The following WDR44 variants were observed in gnomAD, a reference collection of about 807,000 sequenced individuals.
WDR44 encodes WD repeat-containing protein 44.
WDR44 carries 9 observed loss-of-function variants against 65.7 expected under a neutral mutation model. The observed-to-expected ratio is 0.14, with a 90% CI of 0.08 to 0.24. WDR44 has a LOEUF of 0.24. WDR44 is among the 10% of genes least tolerant of loss of function. The pLI is 1.00. For missense variants in WDR44, 425 were observed against 670.9 expected, an observed-to-expected ratio of 0.63 and a Z score of 4.05; for synonymous variants, 220 against 235.2, an observed-to-expected ratio of 0.94 and a Z score of 0.59.
At chrX:118,370,206 CA>C (rs1342020128) in intron 1 of WDR44, among the ~76,000 whole-genome samples, 1 of 112,151 alleles carries the variant, frequency 8.9e-6, no homozygotes, top group Non-Finnish European at 1.9e-5. Flanking sequence ...AAGGAAACAA[CA>C]GTGAAAAGAC....
chrX:118,365,625 A>G (rs914968028), intron 1 of WDR44, among the ~76,000 whole-genome samples: 2 of 112,460 alleles, frequency 1.8e-5, no homozygotes, highest in African/African-American at 6.5e-5. Context: ...CAGTATCCTT[A>G]TCCAAGATAT....
At chrX:118,448,476 G>A (rs1050823985) in intron 19 of WDR44, among the ~76,000 whole-genome samples, 17 of 111,742 alleles carry the variant, frequency 1.5e-4, no homozygotes, top group African/African-American at 3.9e-4. Flanking sequence ...AACCTTACTG[G>A]CAACCTCGCT....
intron 8 of WDR44, 21 bp downstream of exon 8, chrX:118,398,491 T>G (rs1434527767): frequency 7.2e-6 from 8 of 1,118,825 alleles, no homozygotes; most frequent in Non-Finnish European, 8.5e-6. Context: ...GTACATCCCT[T>G]TTCTTCATTT....
rs149299108 is a variant in WDR44 at position 118,375,603 on chromosome X, T to C, written c.78-2816T>C. ...GATTGCACTTGTATTATTTAAGATA[T>C]CAATTTGTGTGGAATCTTCTTTCTT... On this transcript the variant is annotated intron_variant, in intron 1 of 19. Coordinates refer to ENST00000254029, the MANE Select transcript of WDR44 (RefSeq NM_019045.5). Among the ~76,000 whole-genome samples the C allele has an allele frequency of 6.1e-3, 678 of 111,408 alleles. 11 individuals are homozygous for C. Among genetic ancestry groups the C allele is most frequent in the African/African-American group, 0.02 (627 of 30,749 alleles).
At chrX:118,379,508 C>T (rs952208630) in intron 2 of WDR44, among the ~76,000 whole-genome samples, 1 of 110,975 alleles carries the variant, frequency 9.0e-6, no homozygotes, top group Non-Finnish European at 1.9e-5. Flanking sequence ...TATACAGTAA[C>T]GTTTCATTTA....
rs775346195 is a variant in WDR44 at position 118,369,555 on chromosome X, C to T, written c.78-8864C>T. The stretch of plus-strand genomic sequence containing the variant: ...CGGGATCTCGGCTCACTGCAAGCTC[C>T]GCCTCCCAGGTTCACGCCATTCTCC... On this transcript the variant is annotated intron_variant, in intron 1 of 19. Transcript: ENST00000254029. 8.8e-5 allele frequency among the ~76,000 whole-genome samples: 9 copies of T among 101,842 alleles called. No homozygotes were observed. In the South Asian group the frequency reaches 1.9e-3, roughly 22 times the overall value. 88.4% of individuals were successfully genotyped at this position (101,842 alleles called of 115,157 possible).
chrX:118,441,797 G>A (rs1031770124), intron 15 of WDR44, among the ~76,000 whole-genome samples: 1 of 111,750 alleles, frequency 8.9e-6, no homozygotes, highest in African/African-American at 3.3e-5. Context: ...ATGGAGTGCA[G>A]TGGAGCGATC....
intron 2 of WDR44, among the ~76,000 whole-genome samples, chrX:118,383,626 T>G (rs1414142619): frequency 9.0e-6 from 1 of 110,919 alleles, no homozygotes; most frequent in East Asian, 2.8e-4. Context: ...ATGCATTAAC[T>G]GTTATTTATT....
At chrX:118,402,004 TTTTTTTTG>T (rs1197263551) in intron 8 of WDR44, among the ~76,000 whole-genome samples, 2 of 105,664 alleles carry the variant, frequency 1.9e-5, no homozygotes, top group Non-Finnish European at 3.9e-5. Flanking sequence ...CTGTTTTTTG[TTTTTTTTG>T]TTTTTTTGGT....
chrX:118,449,083 T>C lies in WDR44; in HGVS notation c.*96T>C. 1 of 536,403 alleles carries C rather than the reference T, an allele frequency of 1.9e-6. No individual in the cohort carries two copies. The allele number at this position is 536,403 out of a possible 1,213,427, so 44.2% of individuals were successfully genotyped here. A position where few individuals can be genotyped will look rare whatever the true frequency, so the allele number is the denominator to read the frequency against. Reference sequence around the variant, plus strand: ...CAGGCTAACATACTTTTTTAATTTTTATTGAAAGTTGTTCAAATATAATAT... The same window carrying C: ...CAGGCTAACATACTTTTTTAATTTTCATTGAAAGTTGTTCAAATATAATAT... On this transcript the variant is annotated 3_prime_UTR_variant, in exon 20 of 20. Coordinates refer to ENST00000254029, the MANE Select transcript of WDR44 (RefSeq NM_019045.5).
At chrX:118,384,223 C>G (rs888469639) in intron 2 of WDR44, among the ~76,000 whole-genome samples, 3 of 111,285 alleles carry the variant, frequency 2.7e-5, no homozygotes, top group Non-Finnish European at 5.6e-5. Flanking sequence ...ATTCAACATT[C>G]ATTCAGCAAA....
intron 6 of WDR44, among the ~76,000 whole-genome samples, chrX:118,396,198 T>G (rs1036267863): frequency 8.9e-6 from 1 of 112,029 alleles, no homozygotes; most frequent in African/African-American, 3.2e-5. Context: ...TTGATGTTTC[T>G]TTAAAACAAT....
rs768751450 is a variant in WDR44, at chrX:118,407,487, TA to T, written c.1533+467del. ...CTGCACTCCAGCCTGGGCTACAGAG[TA>T]AAAAACTCCGTCTCAAAAAAAAAAA... On this transcript the variant is annotated intron_variant, in intron 10 of 19. Coordinates refer to ENST00000254029, the MANE Select transcript of WDR44 (RefSeq NM_019045.5). Among the ~76,000 whole-genome samples the T allele has an allele frequency of 1.0e-3, 66 of 65,569 alleles. 2 individuals carry two copies. In the East Asian group the frequency reaches 0.026, roughly 26 times the overall value. The allele number at this position is 65,569 out of a possible 115,157, so 56.9% of individuals were successfully genotyped here. A position where few individuals can be genotyped will look rare whatever the true frequency, so the allele number is the denominator to read the frequency against.
intron 12 of WDR44, among the ~76,000 whole-genome samples, chrX:118,428,726 CATT>C (rs1376608676): frequency 8.9e-6 from 1 of 111,961 alleles, no homozygotes; most frequent in East Asian, 2.8e-4. Context: ...GAATAGAAAT[CATT>C]GTGTTATAAA....
chrX:118,387,906 AACTC>A (rs1405859902), intron 3 of WDR44, among the ~76,000 whole-genome samples: 1 of 111,951 alleles, frequency 8.9e-6, no homozygotes, highest in Non-Finnish European at 1.9e-5. Flanking sequence ...ATCAGGATAA[AACTC>A]AAGGAGAAAG....
In WDR44 at chrX:118,378,443, A is replaced by T. The variant is rs1463240822; in HGVS notation, c.102A>T (p.Ser34=). ...GGTCTCCAGGAAAAGTTGGGCTTTC[A>T]ACATTCAAGGTAAGTTGTGCTTTCT... The part of the protein sequence containing the change: ...PVGSPGKVGL[S]TFKETENTAY... Residue 34 remains serine, a synonymous_variant, in exon 2 of 20, where the codon TCA becomes TCT. Transcript: ENST00000254029. 2 of 1,206,926 alleles carry T rather than the reference A, an allele frequency of 1.7e-6. No homozygotes were observed. Among genetic ancestry groups the T allele is most frequent in the African/African-American group, 3.5e-5 (2 of 57,187 alleles).
At chrX:118,351,336 A>T (rs903185260) in intron 1 of WDR44, among the ~76,000 whole-genome samples, 5 of 112,515 alleles carry the variant, frequency 4.4e-5, no homozygotes, top group Non-Finnish European at 7.5e-5. Context: ...TCTGAAAAAC[A>T]AAAAGGTGTG....
chrX:118,404,593 C>G, intron 9 of WDR44, 149 bp downstream of exon 9: 1 of 416,880 alleles, frequency 2.4e-6, no homozygotes, highest in Non-Finnish European at 4.0e-6. Flanking sequence ...TACTCTATGA[C>G]TTAATTTTAT....
chrX:118,427,464 G>T (rs1461821089), intron 12 of WDR44, among the ~76,000 whole-genome samples: 21 of 108,459 alleles, frequency 1.9e-4, no homozygotes, highest in Non-Finnish European at 3.8e-4. Context: ...TAGAGACGGG[G>T]TTTCACCATG....
Sources: gnomAD v4.1 joint callset for allele counts (sites outside exome capture counted in the v4.1 genomes callset) on GRCh38, gnomAD v4.1.1 for gene constraint, MANE v1.5 for transcripts, NCBI Gene and HGNC (gene_info 2026-07-23, HGNC 2026-07-21) for gene names.